Variants in DNAJC15 observed in about 807,000 individuals in gnomAD.
DNAJC15 encodes the protein dnaJ homolog subfamily C member 15.
DNAJC15 carries 27 observed loss-of-function variants against 22.4 expected under a neutral mutation model. That is an observed-to-expected ratio of 1.20 (90% CI 0.89 to 1.66). DNAJC15 has a LOEUF of 1.66. DNAJC15 is among the 40% of genes most tolerant of loss of function. The pLI is 0.00. For missense variants in DNAJC15, 208 were observed against 187.1 expected, an observed-to-expected ratio of 1.11 and a Z score of -0.65; for synonymous variants, 79 against 63.2, an observed-to-expected ratio of 1.25 and a Z score of -1.19.
intron 1 of DNAJC15, among the ~76,000 whole-genome samples, chr13:43,048,018 A>T (rs921764142): frequency 6.6e-6 from 1 of 152,308 alleles, no homozygotes. Context: ...TTTTGAAACC[A>T]TTCGATTTCA....
chr13:43,025,208 G>C (rs1266359258), intron 1 of DNAJC15, among the ~76,000 whole-genome samples: 2 of 152,154 alleles, frequency 1.3e-5, no homozygotes, highest in African/African-American at 4.8e-5. Context: ...AAGGATTTCT[G>C]GATATAGTAT....
At chr13:43,051,646 T>G (rs1193944627) in intron 1 of DNAJC15, among the ~76,000 whole-genome samples, 1 of 127,438 alleles carries the variant, frequency 7.8e-6, no homozygotes, top group Non-Finnish European at 1.7e-5. Context: ...TGTGTGTGTG[T>G]GTGTGTGTGT....
chr13:43,034,305 CTTTTTTTTTTTT>C (rs753362468), intron 1 of DNAJC15, among the ~76,000 whole-genome samples: 16 of 60,620 alleles, frequency 2.6e-4, no homozygotes, highest in East Asian at 1.1e-3. Context: ...GAGATTTGTC[CTTTTTTTTTTTT>C]TTTTTTTTTT....
intron 5 of DNAJC15, among the ~76,000 whole-genome samples, chr13:43,089,377 A>C (rs2040703836): frequency 6.6e-6 from 1 of 152,226 alleles, no homozygotes. Context: ...ACCTATTTCA[A>C]GTTGTAGCAA....
At chr13:43,080,399 T>C (rs2040656259) in intron 4 of DNAJC15, among the ~76,000 whole-genome samples, 1 of 152,252 alleles carries the variant, frequency 6.6e-6, no homozygotes, top group Non-Finnish European at 1.5e-5. Flanking sequence ...TCATTACTTT[T>C]TGTGGCTGCG....
At chr13:43,028,768 A>AT (rs566424436) in intron 1 of DNAJC15, among the ~76,000 whole-genome samples, 58 of 148,928 alleles carry the variant, frequency 3.9e-4, no homozygotes, top group African/African-American at 1.2e-3. Context: ...ACTCCTATTC[A>AT]TTTTTTTTTT....
chr13:43,075,319 G>A (rs1255445618), intron 3 of DNAJC15, among the ~76,000 whole-genome samples: 1 of 152,142 alleles, frequency 6.6e-6, no homozygotes, highest in African/African-American at 2.4e-5. Context: ...TGAAAAAATT[G>A]CTCAGATACC....
intron 1 of DNAJC15, among the ~76,000 whole-genome samples, chr13:43,038,083 A>G (rs1475976166): frequency 1.3e-5 from 2 of 152,050 alleles, no homozygotes; most frequent in Non-Finnish European, 2.9e-5. Context: ...ATTTTTTTGT[A>G]TTACAAATAA....
At chr13:43,059,435 G>A (rs566915874) in intron 1 of DNAJC15, among the ~76,000 whole-genome samples, 29 of 151,972 alleles carry the variant, frequency 1.9e-4, no homozygotes, top group Non-Finnish European at 3.8e-4. Context: ...GTGCAACGGC[G>A]CAATCTCGGC....
intron 1 of DNAJC15, among the ~76,000 whole-genome samples, chr13:43,028,957 G>A (rs1359182): frequency 0.29 from 43,561 of 152,048 alleles, 6,403 homozygotes; most frequent in African/African-American, 0.32. Context: ...CCTCAGGGAA[G>A]ACACTTGTAT....
intron 3 of DNAJC15, among the ~76,000 whole-genome samples, 157 bp downstream of exon 3, chr13:43,069,160 GTTTCT>G (rs1400669178): frequency 6.6e-6 from 1 of 152,100 alleles, no homozygotes; most frequent in Non-Finnish European, 1.5e-5. Flanking sequence ...TACTGGCTCA[GTTTCT>G]TTTAAGTTAT....
At chr13:43,072,907 T>C (rs2040615673) in intron 3 of DNAJC15, among the ~76,000 whole-genome samples, 2 of 152,234 alleles carry the variant, frequency 1.3e-5, no homozygotes, top group Non-Finnish European at 1.5e-5. Flanking sequence ...TTCTTGTTTC[T>C]TTTTTCTGGC....
intron 5 of DNAJC15, among the ~76,000 whole-genome samples, chr13:43,097,592 AATG>A (rs2040745818): frequency 6.6e-6 from 1 of 152,104 alleles, no homozygotes; most frequent in African/African-American, 2.4e-5. Flanking sequence ...AATCCAAGAG[AATG>A]ATACTGTTTT....
chr13:43,059,847 C>T (rs897235477), intron 1 of DNAJC15, among the ~76,000 whole-genome samples: 1 of 151,906 alleles, frequency 6.6e-6, no homozygotes, highest in Non-Finnish European at 1.5e-5. Context: ...AGCAATGTTT[C>T]GCGGGCATGG....
Position 43,109,664 on chromosome 13 carries a change from C to G in DNAJC15, c.*2416C>G, listed in dbSNP as rs548637258. 3.8e-4 allele frequency: 57 copies of G among 151,882 alleles called. No homozygotes were observed. The highest frequency in any genetic ancestry group is 1.1e-3 in the African/African-American group (44 of 41,410). The allele number at this position is 151,882 out of a possible 1,614,324, so 9.4% of individuals were successfully genotyped here. A position where few individuals can be genotyped will look rare whatever the true frequency, so the allele number is the denominator to read the frequency against. On this transcript the variant is annotated 3_prime_UTR_variant, in exon 6 of 6. Transcript: ENST00000379221. ...TTACTTAATTTTCTAGTCAATAACC[C>G]GTATCTATAAAATAGAGAAAATAAT...
At chr13:43,062,057 AT>A (rs539447006) in intron 1 of DNAJC15, among the ~76,000 whole-genome samples, 169 of 150,128 alleles carry the variant, frequency 1.1e-3, no homozygotes, top group African/African-American at 3.7e-3. Flanking sequence ...TAATAGGTGG[AT>A]TTTTTTTTTC....
At chr13:43,078,075 G>T (rs535291913) in intron 3 of DNAJC15, among the ~76,000 whole-genome samples, 1 of 152,262 alleles carries the variant, frequency 6.6e-6, no homozygotes, top group Admixed American at 6.5e-5. Flanking sequence ...GCCATCCACA[G>T]TCTGGTTCCC....
chr13:43,098,829 C>G (rs951785829), intron 5 of DNAJC15, among the ~76,000 whole-genome samples: 2 of 152,054 alleles, frequency 1.3e-5, no homozygotes, highest in African/African-American at 4.8e-5. Context: ...AATGTGAGTC[C>G]TCCTACTTTA....
intron 1 of DNAJC15, among the ~76,000 whole-genome samples, chr13:43,062,497 A>G (rs1162392583): frequency 6.6e-6 from 1 of 152,200 alleles, no homozygotes; most frequent in Non-Finnish European, 1.5e-5. Context: ...GAAATAATCA[A>G]CAGAGTGCTC....
Sources: allele counts gnomAD v4.1 joint callset (sites outside exome capture counted in the v4.1 genomes callset), GRCh38; gene constraint gnomAD v4.1.1; transcripts MANE v1.5; gene names NCBI Gene and HGNC (gene_info 2026-07-23, HGNC 2026-07-21).